Variants in TEK observed in about 807,000 individuals in gnomAD.
TEK encodes TEK receptor tyrosine kinase, also known as angiopoietin-1 receptor.
In TEK, 43 loss-of-function variants were observed where a neutral mutation model predicts 131.8. The observed-to-expected ratio is 0.33, with a 90% CI of 0.26 to 0.42. The LOEUF (loss-of-function observed/expected upper bound fraction) is 0.42, where lower values mean the gene tolerates loss of function less well. Ranked by LOEUF, TEK falls within the 10% of genes least tolerant of loss-of-function variation. The pLI is 1.00. For synonymous variants in TEK, 580 were observed against 491.6 expected (o/e 1.18, Z -2.38); for missense variants, 1,162 against 1,384.4 (o/e 0.84, Z 2.55).
intron 1 of TEK, among the ~76,000 whole-genome samples, chr9:27,139,121 G>A (rs558416517): frequency 6.7e-6 from 1 of 149,414 alleles, no homozygotes; most frequent in African/African-American, 2.5e-5. Flanking sequence ...GCTGAGGCAG[G>A]AGAATGGCGT....
In TEK at chr9:27,191,510, C is replaced by T. The variant is rs543142908; in HGVS notation, c.1489+820C>T. 4.6e-5 allele frequency among the ~76,000 whole-genome samples: 7 copies of T among 152,158 alleles called. No individual in the cohort carries two copies. In the South Asian group the frequency reaches 1.5e-3, roughly 32 times the overall value. ...TTGTAGGCAGCATGTCCTCCTCCGC[C>T]CATACCTTTGTCTTACTATGCCTAT... On this transcript the variant is annotated intron_variant, in intron 10 of 22. Coordinates refer to ENST00000380036, the MANE Select transcript of TEK (RefSeq NM_000459.5).
chr9:27,213,232 C>A (rs1373205097), intron 17 of TEK, among the ~76,000 whole-genome samples: 1 of 152,168 alleles, frequency 6.6e-6, no homozygotes, highest in Non-Finnish European at 1.5e-5. Context: ...CAGAGACACA[C>A]TACATTACAG....
Position 27,217,720 on chromosome 9 carries a change from G to A in TEK, c.3024G>A (p.Glu1008=). The A allele has an allele frequency of 6.2e-7, 1 of 1,613,976 alleles. No individual in the cohort carries two copies. The highest frequency in any genetic ancestry group is 1.7e-5 in the Admixed American group (1 of 60,026). The change falls in exon 19 of 23, where the codon GAG becomes GAA. Residue 1008 remains glutamate, a synonymous_variant. Transcript: ENST00000380036. ...GRLPVRWMAI[E]SLNYSVYTTN... ...TCCCAGTGCGCTGGATGGCCATCGA[G>A]TCACTGAATTACAGTGTGTACACAA...
In TEK at chr9:27,220,140, T is replaced by C. The variant is rs752344175; in HGVS notation, c.3195T>C (p.Asp1065=). ...YRLEKPLNCD[D]EVYDLMRQCW... is the part of the protein sequence containing the mutation. ...TGGAGAAGCCCCTGAACTGTGATGA[T>C]GAGGTGTAAGTCAGGCCTCATCCTG... Residue 1065 remains aspartate (D), a synonymous_variant, in exon 21 of 23, where the codon GAT becomes GAC. Coordinates refer to ENST00000380036, the MANE Select transcript of TEK (RefSeq NM_000459.5). The C allele has an allele frequency of 6.2e-7, 1 of 1,613,816 alleles. No individual in the cohort carries two copies. The highest frequency in any genetic ancestry group is 2.2e-5 in the East Asian group (1 of 44,874).
At chr9:27,211,708 A>C (rs1216969125) in intron 16 of TEK, among the ~76,000 whole-genome samples, 5 of 152,028 alleles carry the variant, frequency 3.3e-5, no homozygotes, top group Non-Finnish European at 5.9e-5. Flanking sequence ...GGGCTCAAGC[A>C]ATCCATCTGC....
chr9:27,224,141 T>A (rs1587054425), intron 21 of TEK, among the ~76,000 whole-genome samples: 1 of 152,092 alleles, frequency 6.6e-6, no homozygotes, highest in African/African-American at 2.4e-5. Flanking sequence ...CCAAAAAAAG[T>A]CCAGGACCAG....
rs537466058 is a variant in TEK at position 27,208,839 on chromosome 9, C to A, written c.2576-282C>A. Among the ~76,000 whole-genome samples the A allele has an allele frequency of 6.6e-5, 10 of 152,276 alleles. No homozygotes were observed. In the South Asian group the frequency reaches 2.1e-3, roughly 32 times the overall value. On this transcript the variant is annotated intron_variant, in intron 15 of 22. Coordinates refer to ENST00000380036, the MANE Select transcript of TEK (RefSeq NM_000459.5). ...TGATTTTGCCCATGGGGGCATTTGGCAATATCTGGATACATTTTTGATTGG... is the reference window on the plus strand; with the variant it reads ...TGATTTTGCCCATGGGGGCATTTGGAAATATCTGGATACATTTTTGATTGG...
At chr9:27,176,532 GT>G (rs529558370) in intron 6 of TEK, among the ~76,000 whole-genome samples, 1 of 152,150 alleles carries the variant, frequency 6.6e-6, no homozygotes, top group Non-Finnish European at 1.5e-5. Context: ...TTGTGATTAA[GT>G]TTTTTTCCAG....
intron 1 of TEK, among the ~76,000 whole-genome samples, chr9:27,125,271 A>ACT (rs1423565769): frequency 2.0e-5 from 3 of 152,256 alleles, no homozygotes; most frequent in Admixed American, 1.3e-4. Context: ...GAGTAACTCT[A>ACT]GAGTATGGAA....
chr9:27,202,541 A>G (rs996444893), intron 12 of TEK, among the ~76,000 whole-genome samples: 1 of 152,222 alleles, frequency 6.6e-6, no homozygotes, highest in African/African-American at 2.4e-5. Flanking sequence ...TCTTCCCAGC[A>G]TCAAGAATAG....
At chr9:27,151,406 A>G (rs1326952936) in intron 1 of TEK, among the ~76,000 whole-genome samples, 1 of 152,192 alleles carries the variant, frequency 6.6e-6, no homozygotes, top group African/African-American at 2.4e-5. Context: ...GAGAAAGAAC[A>G]TTCTAGAATT....
In TEK at chr9:27,152,842, A is replaced by G. The variant is rs1004606143; in HGVS notation, c.53-4989A>G. ...CAGGCCCACAATAATTTCCATAACT[A>G]TTTTTAAATAAAAATATTCCCATGT... On this transcript the variant is annotated intron_variant, in intron 1 of 22. Coordinates refer to ENST00000380036, the MANE Select transcript of TEK (RefSeq NM_000459.5). Among the ~76,000 whole-genome samples, 4 of 152,188 alleles carry G rather than the reference A, an allele frequency of 2.6e-5. No individual in the cohort carries two copies. In the South Asian group the frequency reaches 6.2e-4, roughly 24 times the overall value.
chr9:27,129,652 A>T (rs1042045906), intron 1 of TEK, among the ~76,000 whole-genome samples: 21 of 152,216 alleles, frequency 1.4e-4, no homozygotes, highest in African/African-American at 5.1e-4. Flanking sequence ...TTCACCCAAT[A>T]AAATATTTCC....
intron 1 of TEK, among the ~76,000 whole-genome samples, chr9:27,112,023 G>A (rs966341076): frequency 9.9e-5 from 15 of 151,424 alleles, no homozygotes; most frequent in Non-Finnish European, 1.9e-4. Flanking sequence ...TCAGCCTCTC[G>A]AGTAGCTGGG....
intron 1 of TEK, among the ~76,000 whole-genome samples, chr9:27,113,605 AAAAT>A: frequency 6.7e-6 from 1 of 150,058 alleles, no homozygotes; most frequent in South Asian, 2.1e-4. Flanking sequence ...AAAATAAAAT[AAAAT>A]AAATAATGAA....
intron 1 of TEK, among the ~76,000 whole-genome samples, chr9:27,155,407 C>T (rs1016578395): frequency 6.6e-6 from 1 of 152,190 alleles, no homozygotes; most frequent in Admixed American, 6.5e-5. Flanking sequence ...TGGAGATTTT[C>T]TCCCTCAATC....
chr9:27,140,618 A>G (rs1822690724), intron 1 of TEK, among the ~76,000 whole-genome samples: 1 of 151,986 alleles, frequency 6.6e-6, no homozygotes. Context: ...ATAAAGACAT[A>G]TATCTTATAT....
intron 15 of TEK, among the ~76,000 whole-genome samples, chr9:27,208,686 G>A (rs1246282304): frequency 6.6e-6 from 1 of 152,194 alleles, no homozygotes. Flanking sequence ...AGTTGTCTCT[G>A]GATGGTAGAT....
intron 1 of TEK, among the ~76,000 whole-genome samples, chr9:27,136,883 G>C (rs1822469446): frequency 6.6e-6 from 1 of 151,908 alleles, no homozygotes; most frequent in African/African-American, 2.4e-5. Flanking sequence ...TTCTGCTAAA[G>C]AGAAAAAAAA....
Sources: allele counts gnomAD v4.1 joint callset (sites outside exome capture counted in the v4.1 genomes callset), GRCh38; gene constraint gnomAD v4.1.1; transcripts MANE v1.5; gene names NCBI Gene and HGNC (gene_info 2026-07-23, HGNC 2026-07-21).